The following ENTPD1 variants were observed in gnomAD, a reference collection of about 807,000 sequenced individuals.
ENTPD1 encodes ectonucleoside triphosphate diphosphohydrolase 1.
In ENTPD1, 33 loss-of-function variants were observed where a neutral mutation model predicts 57.0. The ratio of observed to expected loss-of-function variants is 0.58; its 90% CI spans 0.44 to 0.77. The LOEUF (loss-of-function observed/expected upper bound fraction) is 0.77. ENTPD1 is among the 30% of genes least tolerant of loss of function. The pLI, the probability that ENTPD1 is intolerant of heterozygous loss-of-function variation, is 0.00. For synonymous variants in ENTPD1, 202 were observed against 218.8 expected (o/e 0.92, Z 0.68); for missense variants, 501 against 603.4 (o/e 0.83, Z 1.78).
chr10:95,778,838 C>A (rs928651400), intron 1 of ENTPD1, among the ~76,000 whole-genome samples: 1 of 151,914 alleles, frequency 6.6e-6, no homozygotes, highest in Non-Finnish European at 1.5e-5. Flanking sequence ...ATGTTGAAGA[C>A]CTTTTCACAT....
intron 7 of ENTPD1, among the ~76,000 whole-genome samples, chr10:95,858,186 G>A (rs7077566): frequency 0.53 from 80,026 of 150,844 alleles, 21,594 homozygotes; most frequent in African/African-American, 0.57. Flanking sequence ...ACTGCTGGGA[G>A]GAAAGAGACA....
chr10:95,787,659 A>G (rs910210583), intron 1 of ENTPD1, among the ~76,000 whole-genome samples: 2 of 152,164 alleles, frequency 1.3e-5, no homozygotes, highest in Admixed American at 1.3e-4. Context: ...TAGACTGTTG[A>G]TGCAGTATCT....
At chr10:95,753,134 T>C (rs2098014790), upstream of ENTPD1, 1 of 152,130 alleles carries the variant, frequency 6.6e-6, no homozygotes, top group South Asian at 2.1e-4. Flanking sequence ...ACTCCTTCCA[T>C]CTTTCTGAGT....
At chr10:95,711,796 T>C in exon 1 of ENTPD1, 2 of 961,172 alleles carry the variant, frequency 2.1e-6, no homozygotes, top group South Asian at 2.8e-5. Flanking sequence ...TGTAAAATTA[T>C]GATCAAATAA....
intron 1 of ENTPD1, among the ~76,000 whole-genome samples, chr10:95,806,820 G>C (rs918668861): frequency 6.6e-6 from 1 of 151,510 alleles, no homozygotes; most frequent in African/African-American, 2.5e-5. Context: ...ACCAGCGGAG[G>C]CTGCAGAACA....
chr10:95,863,511 A>C (rs531090612), intron 8 of ENTPD1, among the ~76,000 whole-genome samples: 1 of 152,368 alleles, frequency 6.6e-6, no homozygotes, highest in East Asian at 1.9e-4. Flanking sequence ...ATGCAGAGGA[A>C]TCAATCAAAG....
chr10:95,729,807 T>A (rs55772947), intron 1 of ENTPD1, among the ~76,000 whole-genome samples: 2,242 of 152,284 alleles, frequency 0.015, 55 homozygotes, highest in African/African-American at 0.051. Context: ...AAAAACTTTA[T>A]TCCAGCCAAA....
intron 1 of ENTPD1, among the ~76,000 whole-genome samples, chr10:95,772,522 G>T (rs2098119007): frequency 6.6e-6 from 1 of 152,146 alleles, no homozygotes; most frequent in South Asian, 2.1e-4. Flanking sequence ...CAACTCCACA[G>T]CTGTTCAAGT....
At position 95,845,479 on chromosome 10, in the gene ENTPD1, C is replaced by T; in HGVS notation, c.696C>T (p.Ser232=). ...TFVPQNQTIE[S]PDNALQFRLY... is the part of the protein sequence containing the mutation. ...TACCCCAAAACCAGACTATCGAGTC[C>T]CCAGATAATGCTCTGCAATTTCGCC... Residue 232 remains serine (S), a synonymous_variant, in exon 6 of 10, where the codon TCC becomes TCT. Transcript: ENST00000371205. 1.9e-6 allele frequency: 3 copies of T among 1,614,146 alleles called. No individual in the cohort carries two copies. Among genetic ancestry groups the T allele is most frequent in the Non-Finnish European group, 2.5e-6 (3 of 1,180,036 alleles).
At chr10:95,809,583 A>AC (rs1216958473) in intron 1 of ENTPD1, among the ~76,000 whole-genome samples, 5 of 37,634 alleles carry the variant, frequency 1.3e-4, no homozygotes, top group Admixed American at 3.9e-4. Context: ...GCGCCCCCCC[A>AC]CCTCCCAGAC....
chr10:95,735,621 A>T (rs548651569), intron 1 of ENTPD1, among the ~76,000 whole-genome samples: 1 of 151,874 alleles, frequency 6.6e-6, no homozygotes, highest in Non-Finnish European at 1.5e-5. Context: ...TATGAGATGG[A>T]GTCTCGCCCT....
In ENTPD1 at chr10:95,815,884, G is replaced by T. The variant is rs147703213; in HGVS notation, c.17-7353G>T. Among the ~76,000 whole-genome samples the T allele has an allele frequency of 1.9e-3, 291 of 152,308 alleles. 5 individuals carry two copies. The highest frequency in any genetic ancestry group is 6.5e-3 in the African/African-American group (271 of 41,556). ...GTGGGCAACTTGGAGAACAAACAAC[G>T]TGTTTAGCTGTGATCCTAGGACTTT... On this transcript the variant is annotated intron_variant, in intron 1 of 9. Transcript: ENST00000371205.
intron 1 of ENTPD1, among the ~76,000 whole-genome samples, chr10:95,806,679 G>T (rs190214864): frequency 8.8e-4 from 134 of 152,226 alleles, no homozygotes; most frequent in Non-Finnish European, 1.5e-3. Flanking sequence ...TCTGGTGTAG[G>T]TGTCCTTTTT....
intron 1 of ENTPD1, among the ~76,000 whole-genome samples, chr10:95,743,100 C>T (rs2098002188): frequency 6.6e-6 from 1 of 152,234 alleles, no homozygotes; most frequent in South Asian, 2.1e-4. Flanking sequence ...ATTTAATCTT[C>T]ATGACTCCTT....
At chr10:95,748,827 G>C (rs976208978) in intron 1 of ENTPD1, among the ~76,000 whole-genome samples, 19 of 151,998 alleles carry the variant, frequency 1.3e-4, no homozygotes, top group African/African-American at 4.6e-4. Flanking sequence ...CAGTTTATTT[G>C]TTCAAGAAGT....
At chr10:95,799,856 T>C (rs1418966009) in intron 1 of ENTPD1, among the ~76,000 whole-genome samples, 3 of 152,364 alleles carry the variant, frequency 2.0e-5, no homozygotes, top group South Asian at 2.1e-4. Flanking sequence ...GGTATCTTAT[T>C]GTGGTTTTGC....
chr10:95,741,370 G>T (rs1303217626), intron 1 of ENTPD1, among the ~76,000 whole-genome samples: 1 of 152,164 alleles, frequency 6.6e-6, no homozygotes, highest in Non-Finnish European at 1.5e-5. Context: ...ATATGGGCAT[G>T]GTTCATGGTG....
intron 3 of ENTPD1, 60 bp downstream of exon 3, chr10:95,839,868 T>C (rs2098418889): frequency 4.6e-6 from 7 of 1,535,108 alleles, no homozygotes; most frequent in Non-Finnish European, 5.4e-6. Context: ...ATGAGAGGTG[T>C]ATGACCAGTA....
In ENTPD1 at chr10:95,873,640, G is replaced by A. The variant is rs955076722; in HGVS notation, c.*7257G>A. Reference sequence around the variant, plus strand: ...GATGTTTCCTTCTGTCACTCTACTAGGGATGAAACAGCTAATCATGTTCAA... The same window carrying A: ...GATGTTTCCTTCTGTCACTCTACTAAGGATGAAACAGCTAATCATGTTCAA... On this transcript the variant is annotated 3_prime_UTR_variant, in exon 10 of 10. Transcript: ENST00000371205. 7.1e-6 allele frequency: 7 copies of A among 985,302 alleles called. No homozygotes were observed. In the African/African-American group the frequency reaches 1.2e-4, roughly 17 times the overall value. The allele number at this position is 985,302 out of a possible 1,614,324, so 61.0% of individuals were successfully genotyped here.
Sources: gnomAD v4.1 joint callset for allele counts (sites outside exome capture counted in the v4.1 genomes callset) on GRCh38, gnomAD v4.1.1 for gene constraint, MANE v1.5 for transcripts, NCBI Gene and HGNC (gene_info 2026-07-23, HGNC 2026-07-21) for gene names.